RSU1: variants seen among roughly 807,000 people sequenced by gnomAD.
RSU1 encodes the protein Ras suppressor protein 1.
Under a neutral mutation model 31.1 loss-of-function variants are expected in RSU1, and 26 were observed. The ratio of observed to expected loss-of-function variants is 0.84; its 90% CI spans 0.61 to 1.16. RSU1 has a LOEUF of 1.16. Among genes scored for constraint, RSU1 ranks in the 50% most tolerant of loss-of-function variants. The probability of loss-of-function intolerance (pLI) is 0.00; values close to 1 mark genes in which losing one functional copy is unlikely to be tolerated. For missense variants in RSU1, 320 were observed against 339.1 expected (o/e 0.94, Z 0.44); for synonymous variants, 164 against 136.3 (o/e 1.20, Z -1.41).
chr10:16,757,748 T>C (rs1158909583), intron 4 of RSU1, among the ~76,000 whole-genome samples: 2 of 152,192 alleles, frequency 1.3e-5, no homozygotes, highest in Non-Finnish European at 1.5e-5. Flanking sequence ...ACCCTTGGGC[T>C]CTGATACAAG....
intron 7 of RSU1, among the ~76,000 whole-genome samples, chr10:16,698,971 G>C (rs189560719): frequency 6.6e-6 from 1 of 152,148 alleles, no homozygotes; most frequent in East Asian, 1.9e-4. Context: ...GCTTCCTAAA[G>C]CTACATGAAC....
chr10:16,633,333 A>G (rs575029383), intron 8 of RSU1, among the ~76,000 whole-genome samples: 16 of 152,272 alleles, frequency 1.1e-4, no homozygotes, highest in African/African-American at 3.9e-4. Context: ...CTATAGACCA[A>G]TTTAAAAATC....
chr10:16,699,568 TCAG>T (rs778132340), intron 7 of RSU1, among the ~76,000 whole-genome samples: 1 of 152,236 alleles, frequency 6.6e-6, no homozygotes, highest in Non-Finnish European at 1.5e-5. Context: ...GCCACACGCT[TCAG>T]TGCGTTGAGT....
intron 8 of RSU1, among the ~76,000 whole-genome samples, chr10:16,679,227 A>G (rs1835284329): frequency 6.6e-6 from 1 of 152,210 alleles, no homozygotes; most frequent in South Asian, 2.1e-4. Flanking sequence ...CAGAAGTTAT[A>G]TAAGACACTG....
At chr10:16,774,990 G>C (rs1041084924) in intron 3 of RSU1, among the ~76,000 whole-genome samples, 1 of 152,010 alleles carries the variant, frequency 6.6e-6, no homozygotes, top group African/African-American at 2.4e-5. Context: ...GTTACAGTGA[G>C]CTAGGATTGT....
intron 8 of RSU1, among the ~76,000 whole-genome samples, chr10:16,631,636 T>A (rs1834251563): frequency 6.6e-6 from 1 of 152,234 alleles, no homozygotes; most frequent in African/African-American, 2.4e-5. Context: ...TCATTATGCT[T>A]ACAAGCCAGA....
intron 4 of RSU1, among the ~76,000 whole-genome samples, chr10:16,760,251 T>A (rs1454332778): frequency 6.6e-6 from 1 of 152,218 alleles, no homozygotes; most frequent in Non-Finnish European, 1.5e-5. Flanking sequence ...GGCTCATGCC[T>A]GTAATCCCAG....
chr10:16,637,370 G>T (rs1046207238), intron 8 of RSU1, among the ~76,000 whole-genome samples: 2 of 152,146 alleles, frequency 1.3e-5, no homozygotes, highest in African/African-American at 4.8e-5. Context: ...CCTGTGCAGC[G>T]GGGAATCTGC....
chr10:16,690,989 C>A lies in RSU1; in HGVS notation c.731+4034G>T, dbSNP rs761326872. On this transcript the variant is annotated intron_variant, in intron 8 of 8. Transcript: ENST00000345264. Reference sequence around the variant, plus strand: ...TTCTTTTTAATAAAGGGGAAGTATGCGGCTTAAACAACAGAGACAAAGAAG... The same window carrying A: ...TTCTTTTTAATAAAGGGGAAGTATGAGGCTTAAACAACAGAGACAAAGAAG... Among the ~76,000 whole-genome samples the A allele has an allele frequency of 1.2e-3, 175 of 151,860 alleles. 1 individual carries two copies. The highest frequency in any genetic ancestry group is 5.3e-4 in the Non-Finnish European group (36 of 67,940).
intron 2 of RSU1, among the ~76,000 whole-genome samples, chr10:16,790,585 C>A (rs1479602596): frequency 6.6e-6 from 1 of 152,130 alleles, no homozygotes; most frequent in Non-Finnish European, 1.5e-5. Context: ...CAATCCCAGG[C>A]TTATCTGAGC....
At chr10:16,773,593 C>A (rs994772071) in intron 3 of RSU1, among the ~76,000 whole-genome samples, 1 of 152,196 alleles carries the variant, frequency 6.6e-6, no homozygotes, top group African/African-American at 2.4e-5. Flanking sequence ...GTACAGAAAG[C>A]TCTGTCGCCT....
At chr10:16,648,427 G>T (rs1053157149) in intron 8 of RSU1, among the ~76,000 whole-genome samples, 2 of 152,192 alleles carry the variant, frequency 1.3e-5, no homozygotes, top group Non-Finnish European at 2.9e-5. Flanking sequence ...TCTGGGCAGA[G>T]AGCTTATTGC....
At chr10:16,646,336 T>C (rs1176845449) in intron 8 of RSU1, among the ~76,000 whole-genome samples, 1 of 152,066 alleles carries the variant, frequency 6.6e-6, no homozygotes, top group Non-Finnish European at 1.5e-5. Context: ...GAATCAAGAC[T>C]CAAAACAGCC....
At chr10:16,709,816 A>G (rs1014506922) in intron 7 of RSU1, among the ~76,000 whole-genome samples, 12 of 152,184 alleles carry the variant, frequency 7.9e-5, no homozygotes, top group Admixed American at 6.5e-4. Context: ...GTCTGTTCAT[A>G]TCCTTTGCCC....
chr10:16,607,729 G>T (rs1833828290), intron 8 of RSU1, among the ~76,000 whole-genome samples: 4 of 152,162 alleles, frequency 2.6e-5, no homozygotes, highest in Non-Finnish European at 5.9e-5. Context: ...CTTTGCCCAG[G>T]AACCCTGTAG....
chr10:16,628,742 C>A (rs1200291961), intron 8 of RSU1, among the ~76,000 whole-genome samples: 1 of 152,176 alleles, frequency 6.6e-6, no homozygotes, highest in East Asian at 1.9e-4. Context: ...TGTAGTTTAG[C>A]CGAACATGAG....
intron 8 of RSU1, among the ~76,000 whole-genome samples, chr10:16,604,506 G>T (rs570206527): frequency 6.4e-4 from 97 of 152,174 alleles, no homozygotes; most frequent in Middle Eastern, 3.4e-3. Flanking sequence ...CACCTGCACG[G>T]TCCAGCTTCT....
At position 16,782,068 on chromosome 10, in the gene RSU1, G is replaced by C. The variant is rs1401500543; in HGVS notation, c.126C>G (p.Ile42Met). The C allele has an allele frequency of 6.2e-7, 1 of 1,611,778 alleles. No homozygotes were observed. Among genetic ancestry groups the C allele is most frequent in the Admixed American group, 1.7e-5 (1 of 59,848 alleles). Residue 42 changes from isoleucine to methionine, a missense_variant, in exon 3 of 9, where the codon ATC becomes ATG. Coordinates refer to ENST00000345264, the MANE Select transcript of RSU1 (RefSeq NM_012425.4). ...DVNGLFTLSH[I>M]TQLVLSHNKL... ...TGTTATGGCTGAGGACCAGTTGTGTGATATGGGATAAGGTAACTAAAAAGA... is the reference window on the plus strand; with the variant it reads ...TGTTATGGCTGAGGACCAGTTGTGTCATATGGGATAAGGTAACTAAAAAGA...
intron 7 of RSU1, among the ~76,000 whole-genome samples, chr10:16,741,969 A>G (rs1194226629): frequency 2.6e-5 from 4 of 152,156 alleles, no homozygotes; most frequent in African/African-American, 9.7e-5. Context: ...GTGCTCCCCA[A>G]ACTGAACTGA....
Sources: gnomAD v4.1 joint callset for allele counts (sites outside exome capture counted in the v4.1 genomes callset) on GRCh38, gnomAD v4.1.1 for gene constraint, MANE v1.5 for transcripts, NCBI Gene and HGNC (gene_info 2026-07-23, HGNC 2026-07-21) for gene names.